ARID4B: variants seen among roughly 807,000 people sequenced by gnomAD.
ARID4B encodes the protein AT-rich interactive domain-containing protein 4B.
ARID4B carries 26 observed loss-of-function variants against 147.5 expected under a neutral mutation model. The observed-to-expected ratio is 0.18, with a 90% CI of 0.13 to 0.24. ARID4B has a LOEUF of 0.24. Among genes scored for constraint, ARID4B ranks in the 10% least tolerant of loss-of-function variants. The pLI is 1.00. For missense variants in ARID4B, 1,179 were observed against 1,511.5 expected (o/e 0.78, Z 3.65); for synonymous variants, 512 against 507.9 (o/e 1.01, Z -0.11).
At chr1:235,296,149 G>C (rs1190086484) in intron 2 of ARID4B, 1 of 169,960 alleles carries the variant, frequency 5.9e-6, no homozygotes, top group Admixed American at 6.0e-5. Context: ...AGAACAGAAA[G>C]TCAACAACAT....
intron 16 of ARID4B, among the ~76,000 whole-genome samples, chr1:235,216,155 A>C: frequency 6.6e-6 from 1 of 152,108 alleles, no homozygotes; most frequent in East Asian, 1.9e-4. Flanking sequence ...AGTATCAAAT[A>C]TATCAATTTT....
chr1:235,255,267 A>AGATATATCTATC (rs1553304359), intron 5 of ARID4B, among the ~76,000 whole-genome samples: 6 of 137,154 alleles, frequency 4.4e-5, no homozygotes, highest in African/African-American at 1.6e-4. Flanking sequence ...AGATAGATAT[A>AGATATATCTATC]TATCTCTCTC....
At chr1:235,222,602 G>C (rs1667543346) in intron 13 of ARID4B, among the ~76,000 whole-genome samples, 1 of 150,974 alleles carries the variant, frequency 6.6e-6, no homozygotes, top group Admixed American at 6.6e-5. Flanking sequence ...GCTGTGCTGT[G>C]ACTCAGATAA....
At chr1:235,209,778 G>A (rs1238419363) in intron 17 of ARID4B, among the ~76,000 whole-genome samples, 1 of 151,848 alleles carries the variant, frequency 6.6e-6, no homozygotes, top group Non-Finnish European at 1.5e-5. Flanking sequence ...TGGCCAGGCT[G>A]GTTTCGAACT....
intron 2 of ARID4B, chr1:235,296,342 AGCCCAGC>A (rs1164086640): frequency 2.6e-5 from 4 of 152,524 alleles, no homozygotes; most frequent in Non-Finnish European, 5.9e-5. Context: ...ATCTAAAGTG[AGCCCAGC>A]TGGCTAACAC....
At chr1:235,295,010 AT>A (rs982961360) in intron 2 of ARID4B, among the ~76,000 whole-genome samples, 3 of 151,180 alleles carry the variant, frequency 2.0e-5, no homozygotes, top group African/African-American at 4.8e-5. Context: ...TTAAAATATT[AT>A]TTTTTATTAA....
At chr1:235,272,868 G>A (rs1193856254) in intron 2 of ARID4B, among the ~76,000 whole-genome samples, 1 of 151,978 alleles carries the variant, frequency 6.6e-6, no homozygotes, top group Non-Finnish European at 1.5e-5. Flanking sequence ...TTAACAATCA[G>A]ATCACGTAGA....
At chr1:235,239,221 C>T (rs1668826043) in intron 8 of ARID4B, among the ~76,000 whole-genome samples, 2 of 152,056 alleles carry the variant, frequency 1.3e-5, no homozygotes, top group African/African-American at 4.8e-5. Flanking sequence ...ATTTGCCCAC[C>T]TCGGCCTCCC....
intron 17 of ARID4B, among the ~76,000 whole-genome samples, chr1:235,198,285 T>C (rs1052280484): frequency 6.6e-6 from 1 of 152,250 alleles, no homozygotes; most frequent in Non-Finnish European, 1.5e-5. Flanking sequence ...ACCTGGGTTT[T>C]ATTATCAATT....
intron 17 of ARID4B, among the ~76,000 whole-genome samples, chr1:235,201,174 T>C (rs1665890188): frequency 6.6e-6 from 1 of 151,622 alleles, no homozygotes; most frequent in African/African-American, 2.4e-5. Flanking sequence ...AAAAATAAAG[T>C]AAAACAAAAT....
intron 2 of ARID4B, among the ~76,000 whole-genome samples, chr1:235,281,003 A>G (rs1057050830): frequency 3.3e-5 from 5 of 152,162 alleles, no homozygotes. Context: ...ACATATTAAA[A>G]GATAACAGAA....
chr1:235,248,110 G>A (rs1434611902), intron 6 of ARID4B, among the ~76,000 whole-genome samples: 2 of 152,070 alleles, frequency 1.3e-5, no homozygotes, highest in African/African-American at 2.4e-5. Context: ...GTGCAGTGGC[G>A]GCATGATCAT....
At chr1:235,176,443 A>G (rs1340605782) in intron 21 of ARID4B, among the ~76,000 whole-genome samples, 3 of 130,970 alleles carry the variant, frequency 2.3e-5, no homozygotes, top group Admixed American at 7.1e-5. Context: ...TCACCAAAAA[A>G]AAAAAAAAAA....
At chr1:235,271,550 G>A (rs759956603) in intron 2 of ARID4B, among the ~76,000 whole-genome samples, 43 of 151,050 alleles carry the variant, frequency 2.8e-4, no homozygotes, top group Non-Finnish European at 4.1e-4. Flanking sequence ...GTATCACTTG[G>A]ACTCGGGAGG....
At chr1:235,212,267 C>CA (rs1173888425) in intron 17 of ARID4B, among the ~76,000 whole-genome samples, 3 of 151,800 alleles carry the variant, frequency 2.0e-5, no homozygotes, top group African/African-American at 4.8e-5. Flanking sequence ...AAAACAAAAA[C>CA]AAAAAACAGA....
chr1:235,188,106 T>G (rs115104707), intron 19 of ARID4B, among the ~76,000 whole-genome samples: 2,748 of 151,892 alleles, frequency 0.018, 29 homozygotes, highest in Middle Eastern at 0.041. Flanking sequence ...AATATGTGTG[T>G]GGGGGGGTTT....
chr1:235,264,854 T>G (rs1034955447), intron 2 of ARID4B, among the ~76,000 whole-genome samples: 2 of 150,408 alleles, frequency 1.3e-5, no homozygotes, highest in Non-Finnish European at 3.0e-5. Context: ...AGGTCAGGAG[T>G]TCGAGACAAG....
intron 2 of ARID4B, among the ~76,000 whole-genome samples, chr1:235,270,005 C>T (rs1670872317): frequency 6.6e-6 from 1 of 151,986 alleles, no homozygotes; most frequent in Non-Finnish European, 1.5e-5. Context: ...CAACGCCAGC[C>T]GGGCGCGGTG....
intron 16 of ARID4B, among the ~76,000 whole-genome samples, chr1:235,219,387 T>C (rs555949016): frequency 6.6e-6 from 1 of 152,314 alleles, no homozygotes; most frequent in East Asian, 1.9e-4. Context: ...CATACAATTT[T>C]TGGCCTTTTA....
Sources: allele counts gnomAD v4.1 joint callset (sites outside exome capture counted in the v4.1 genomes callset), GRCh38; gene constraint gnomAD v4.1.1; transcripts MANE v1.5; gene names NCBI Gene and HGNC (gene_info 2026-07-23, HGNC 2026-07-21).